The following PHF14 variants were observed in gnomAD, a reference collection of about 807,000 sequenced individuals.
PHF14 encodes PHD finger protein 14.
Under a neutral mutation model 117.9 loss-of-function variants are expected in PHF14, and 55 were observed. That is an observed-to-expected ratio of 0.47 (90% CI 0.38 to 0.58). The LOEUF is 0.58. Among genes scored for constraint, PHF14 ranks in the 20% least tolerant of loss-of-function variants. PHF14 has a pLI of 0.00. For missense variants in PHF14, 978 were observed against 1,122.2 expected (o/e 0.87, Z 1.84); for synonymous variants, 409 against 368.6 (o/e 1.11, Z -1.26).
At chr7:10,997,654 C>T (rs1392623744) in intron 4 of PHF14, among the ~76,000 whole-genome samples, 1 of 152,180 alleles carries the variant, frequency 6.6e-6, no homozygotes, top group African/African-American at 2.4e-5. Context: ...GGAGGATTTG[C>T]TTCTAAGCTA....
At chr7:11,070,671 G>T (rs529792978) in intron 16 of PHF14, among the ~76,000 whole-genome samples, 1 of 152,266 alleles carries the variant, frequency 6.6e-6, no homozygotes, top group African/African-American at 2.4e-5. Context: ...ATGTCATGCT[G>T]TGATCCATTT....
intron 14 of PHF14, among the ~76,000 whole-genome samples, chr7:11,057,421 C>T (rs1016945003): frequency 1.3e-5 from 2 of 152,136 alleles, no homozygotes; most frequent in Non-Finnish European, 2.9e-5. Flanking sequence ...GTCGCCCAGG[C>T]TGGAGTGCAG....
chr7:11,122,332 TA>T lies in PHF14; in HGVS notation c.2772+10866del, dbSNP rs1157807314. 1.6e-3 allele frequency among the ~76,000 whole-genome samples: 114 copies of T among 70,632 alleles called. 2 individuals are homozygous for T. Among genetic ancestry groups the T allele is most frequent in the Non-Finnish European group, 2.2e-3 (86 of 38,740 alleles). The allele number at this position is 70,632 out of a possible 152,430, so 46.3% of individuals were successfully genotyped here. On this transcript the variant is annotated intron_variant, in intron 17 of 17. Coordinates refer to ENST00000634607, the MANE Select transcript of PHF14 (RefSeq NM_001007157.2). ...AGGGGAGATTACTGTTTGTACTTTT[TA>T]TATATATATATATATATATACACAC...
At chr7:11,030,503 G>A (rs1784084023) in intron 7 of PHF14, among the ~76,000 whole-genome samples, 1 of 152,194 alleles carries the variant, frequency 6.6e-6, no homozygotes. Flanking sequence ...GTTTGGGACA[G>A]TGGGGTGTAA....
intron 4 of PHF14, among the ~76,000 whole-genome samples, chr7:10,993,729 T>C (rs1782538279): frequency 6.6e-6 from 1 of 152,094 alleles, no homozygotes; most frequent in Non-Finnish European, 1.5e-5. Context: ...GATAAGGGGC[T>C]GGGTACGGTG....
intron 16 of PHF14, chr7:11,109,887 A>G (rs187397939): frequency 6.6e-6 from 1 of 152,036 alleles, no homozygotes; most frequent in Non-Finnish European, 1.5e-5. Context: ...TGAATCTACA[A>G]GGTTTTTGGA....
intron 16 of PHF14, among the ~76,000 whole-genome samples, chr7:11,086,271 T>C (rs1216448891): frequency 6.6e-6 from 1 of 152,184 alleles, no homozygotes; most frequent in Non-Finnish European, 1.5e-5. Context: ...TAGCATGGCT[T>C]ATAAGGCCCT....
Position 11,064,195 on chromosome 7 carries a change from T to C in PHF14, c.2654+2110T>C, listed in dbSNP as rs532698253. ...GCACTATTCTTCTTGGGTTAAAGAA[T>C]TTTTATATAAAATTTCATATGTTTA... is the stretch of plus-strand genomic sequence containing the variant. On this transcript the variant is annotated intron_variant, in intron 16 of 17. Coordinates refer to ENST00000634607, the MANE Select transcript of PHF14 (RefSeq NM_001007157.2). Among the ~76,000 whole-genome samples, 12 of 152,076 alleles carry C rather than the reference T, an allele frequency of 7.9e-5. No homozygotes were observed. The South Asian group carries it at 2.5e-3, about 32-fold the overall frequency.
intron 3 of PHF14, among the ~76,000 whole-genome samples, chr7:10,985,520 T>C (rs962564595): frequency 2.0e-5 from 3 of 152,052 alleles, no homozygotes; most frequent in Non-Finnish European, 2.9e-5. Context: ...GGGAACTTGA[T>C]ATTTATTTTA....
intron 16 of PHF14, among the ~76,000 whole-genome samples, chr7:11,093,442 G>A (rs1400786937): frequency 6.6e-6 from 1 of 152,070 alleles, no homozygotes; most frequent in Non-Finnish European, 1.5e-5. Context: ...TTGTTGCTCT[G>A]CTTACCTCAG....
chr7:11,160,289 T>C (rs1788985868), intron 17 of PHF14, among the ~76,000 whole-genome samples: 1 of 152,230 alleles, frequency 6.6e-6, no homozygotes, highest in Admixed American at 6.5e-5. Context: ...TACATTTTCT[T>C]TATCCAGTCC....
At chr7:11,034,539 ATTTTTTT>A (rs56043099) in intron 7 of PHF14, among the ~76,000 whole-genome samples, 14 of 63,096 alleles carry the variant, frequency 2.2e-4, no homozygotes, top group Admixed American at 5.3e-4. Flanking sequence ...TCTTAATTCT[ATTTTTTT>A]TTTTTTTTTT....
intron 17 of PHF14, among the ~76,000 whole-genome samples, chr7:11,168,115 T>C (rs879564871): frequency 6.6e-6 from 1 of 152,042 alleles, no homozygotes; most frequent in African/African-American, 2.4e-5. Flanking sequence ...AAACTTAATG[T>C]ATCTATTCAC....
At chr7:11,074,923 A>G (rs1407976725) in intron 16 of PHF14, among the ~76,000 whole-genome samples, 1 of 146,958 alleles carries the variant, frequency 6.8e-6, no homozygotes, top group Non-Finnish European at 1.5e-5. Flanking sequence ...AGCTGCTTCC[A>G]TATTTTCAGA....
chr7:10,986,958 CTT>C (rs1387980256), intron 3 of PHF14, among the ~76,000 whole-genome samples: 1 of 152,092 alleles, frequency 6.6e-6, no homozygotes, highest in Non-Finnish European at 1.5e-5. Context: ...ATAAATGTAA[CTT>C]TATGTTCTTT....
intron 17 of PHF14, among the ~76,000 whole-genome samples, chr7:11,144,360 C>CT (rs1788485960): frequency 6.6e-6 from 1 of 151,830 alleles, no homozygotes; most frequent in African/African-American, 2.4e-5. Flanking sequence ...AATCACACTA[C>CT]TGGGTATTTA....
intron 17 of PHF14, among the ~76,000 whole-genome samples, chr7:11,144,184 A>G (rs899125713): frequency 1.3e-5 from 2 of 152,112 alleles, no homozygotes; most frequent in Non-Finnish European, 2.9e-5. Flanking sequence ...TCCCAGTTAG[A>G]ATGGCCATAA....
intron 16 of PHF14, chr7:11,062,706 A>AC (rs1785270595): frequency 1.0e-6 from 1 of 985,076 alleles, no homozygotes; most frequent in African/African-American, 1.7e-5. Flanking sequence ...CTGATGCTGC[A>AC]CATTGGCTTT....
intron 4 of PHF14, among the ~76,000 whole-genome samples, chr7:11,008,877 T>C (rs1481266621): frequency 6.6e-6 from 1 of 151,368 alleles, no homozygotes; most frequent in Non-Finnish European, 1.5e-5. Context: ...CTACTAAAAA[T>C]ACAAAAAAAT....
Sources: gnomAD v4.1 joint callset for allele counts (sites outside exome capture counted in the v4.1 genomes callset) on GRCh38, gnomAD v4.1.1 for gene constraint, MANE v1.5 for transcripts, NCBI Gene and HGNC (gene_info 2026-07-23, HGNC 2026-07-21) for gene names.